The following CACNA2D3 variants were observed in gnomAD, a reference collection of about 807,000 sequenced individuals.
CACNA2D3 encodes calcium voltage-gated channel auxiliary subunit alpha2delta 3.
A neutral mutation model predicts 160.6 loss-of-function variants in CACNA2D3; 60 were observed. The ratio of observed to expected loss-of-function variants is 0.37; its 90% confidence interval spans 0.30 to 0.46. The LOEUF (loss-of-function observed/expected upper bound fraction) is 0.46. Among genes scored for constraint, CACNA2D3 ranks in the 20% least tolerant of loss-of-function variants. The pLI is 1.00. For missense variants in CACNA2D3, 1,205 were observed against 1,365.0 expected, an observed-to-expected ratio of 0.88 and a Z score of 1.85; for synonymous variants, 558 against 492.9, an observed-to-expected ratio of 1.13 and a Z score of -1.75.
At chr3:54,402,797 C>A (rs6807267) in intron 4 of CACNA2D3, among the ~76,000 whole-genome samples, 4,039 of 152,210 alleles carry the variant, frequency 0.027, 75 homozygotes, top group South Asian at 0.092. Context: ...AATATATACA[C>A]AACTTTCCAT....
At chr3:55,034,048 A>T (rs1018870695) in intron 35 of CACNA2D3, among the ~76,000 whole-genome samples, 1 of 151,168 alleles carries the variant, frequency 6.6e-6, no homozygotes, top group Non-Finnish European at 1.5e-5. Context: ...ATAAGATGCA[A>T]TTTATCTATA....
chr3:54,603,874 C>CT (rs763087607), intron 9 of CACNA2D3, among the ~76,000 whole-genome samples: 17 of 150,718 alleles, frequency 1.1e-4, no homozygotes, highest in Admixed American at 5.3e-4. Context: ...GATATGCATG[C>CT]TTTAAAAAAA....
intron 4 of CACNA2D3, among the ~76,000 whole-genome samples, chr3:54,492,433 C>T (rs1350454675): frequency 1.3e-5 from 2 of 152,224 alleles, no homozygotes; most frequent in Non-Finnish European, 2.9e-5. Context: ...TGGCCTCCTA[C>T]AGCTTTCCCT....
At chr3:54,955,376 C>T (rs970436537) in intron 27 of CACNA2D3, among the ~76,000 whole-genome samples, 3 of 152,148 alleles carry the variant, frequency 2.0e-5, no homozygotes, top group African/African-American at 7.2e-5. Context: ...CTCCCACTCT[C>T]TTCTCTGGTC....
At chr3:54,436,770 G>C (rs1700066136) in intron 4 of CACNA2D3, among the ~76,000 whole-genome samples, 1 of 152,166 alleles carries the variant, frequency 6.6e-6, no homozygotes, top group South Asian at 2.1e-4. Context: ...CACACCCTGG[G>C]GCCTGTCGGG....
intron 11 of CACNA2D3, among the ~76,000 whole-genome samples, chr3:54,729,187 C>T (rs1701335970): frequency 6.6e-6 from 1 of 152,116 alleles, no homozygotes; most frequent in African/African-American, 2.4e-5. Flanking sequence ...TCCCAAAGTG[C>T]TGGGATTATA....
At chr3:54,725,857 C>A (rs1415686386) in intron 11 of CACNA2D3, among the ~76,000 whole-genome samples, 1 of 152,132 alleles carries the variant, frequency 6.6e-6, no homozygotes, top group Admixed American at 6.5e-5. Flanking sequence ...CAGCACAAGA[C>A]AAGGGTGCCT....
rs1699352516 is a variant in CACNA2D3, at chr3:54,635,573, T to C, written c.1054-6555T>C. Reference sequence around the variant, plus strand: ...GGGGCCTAATAAAAAGGAGCATCTATACAGGAGCTTAAATGGGCTGTACCT... The same window carrying C: ...GGGGCCTAATAAAAAGGAGCATCTACACAGGAGCTTAAATGGGCTGTACCT... On this transcript the variant is annotated intron_variant, in intron 10 of 37. Transcript: ENST00000474759. Among the ~76,000 whole-genome samples the C allele has an allele frequency of 2.0e-5, 3 of 152,050 alleles. No individual in the cohort carries two copies. In the South Asian group the frequency reaches 6.2e-4, roughly 31 times the overall value.
At chr3:54,606,668 C>T (rs535909310) in intron 9 of CACNA2D3, among the ~76,000 whole-genome samples, 10 of 152,160 alleles carry the variant, frequency 6.6e-5, no homozygotes, top group South Asian at 2.1e-4. Context: ...CGGAGGCTCC[C>T]GCTCGCTCCA....
intron 13 of CACNA2D3, among the ~76,000 whole-genome samples, chr3:54,816,590 C>G (rs1163343969): frequency 1.3e-5 from 2 of 152,150 alleles, no homozygotes; most frequent in African/African-American, 4.8e-5. Context: ...AGGAGTTTAC[C>G]AACTGCTTTG....
chr3:54,345,652 C>CT (rs1436675169), intron 3 of CACNA2D3, among the ~76,000 whole-genome samples: 4 of 152,168 alleles, frequency 2.6e-5, no homozygotes, highest in East Asian at 1.9e-4. Context: ...AAAAGGAAGA[C>CT]TTTTTTTCTC....
intron 2 of CACNA2D3, among the ~76,000 whole-genome samples, chr3:54,191,963 T>C (rs1192172705): frequency 2.0e-5 from 3 of 152,204 alleles, no homozygotes; most frequent in South Asian, 2.1e-4. Flanking sequence ...TGAGGATGCA[T>C]TGGCATTGAG....
intron 9 of CACNA2D3, among the ~76,000 whole-genome samples, chr3:54,618,059 CTAATA>C (rs533314242): frequency 1.4e-3 from 210 of 151,806 alleles, no homozygotes; most frequent in African/African-American, 4.9e-3. Flanking sequence ...AGGTGCCCTA[CTAATA>C]AGATCTAGTG....
At chr3:54,731,523 C>T (rs548458691) in intron 11 of CACNA2D3, among the ~76,000 whole-genome samples, 1 of 152,132 alleles carries the variant, frequency 6.6e-6, no homozygotes, top group Non-Finnish European at 1.5e-5. Context: ...ATCATTGGCT[C>T]TCTCTTCAAG....
intron 17 of CACNA2D3, among the ~76,000 whole-genome samples, chr3:54,858,801 C>T (rs1441243143): frequency 6.6e-6 from 1 of 152,064 alleles, no homozygotes; most frequent in Non-Finnish European, 1.5e-5. Flanking sequence ...TCCAAATGGT[C>T]CCAACTGGGT....
intron 2 of CACNA2D3, among the ~76,000 whole-genome samples, chr3:54,154,564 G>T (rs1375838817): frequency 6.6e-6 from 1 of 151,200 alleles, no homozygotes; most frequent in Non-Finnish European, 1.5e-5. Flanking sequence ...CCCAATTATA[G>T]CCATAATATG....
intron 2 of CACNA2D3, among the ~76,000 whole-genome samples, chr3:54,196,401 G>C (rs1701081957): frequency 6.6e-6 from 1 of 152,178 alleles, no homozygotes; most frequent in South Asian, 2.1e-4. Context: ...TTCTGGGAAA[G>C]ACACCTGATG....
intron 2 of CACNA2D3, among the ~76,000 whole-genome samples, chr3:54,159,956 ATTTTATAAATTG>A (rs1373416233): frequency 2.0e-5 from 3 of 152,224 alleles, no homozygotes; most frequent in Admixed American, 6.5e-5. Context: ...AATTATTATT[ATTTTATAAATTG>A]TTTTAATTAA....
At chr3:54,580,707 T>G (rs1293753450) in intron 8 of CACNA2D3, among the ~76,000 whole-genome samples, 1 of 152,100 alleles carries the variant, frequency 6.6e-6, no homozygotes, top group African/African-American at 2.4e-5. Context: ...TGGTCCCACT[T>G]TGTGGTGGGG....
Sources: allele counts gnomAD v4.1 joint callset (sites outside exome capture counted in the v4.1 genomes callset), GRCh38; gene constraint gnomAD v4.1.1; transcripts MANE v1.5; gene names NCBI Gene and HGNC (gene_info 2026-07-23, HGNC 2026-07-21).